Variants in CIMIP4 observed in about 807,000 individuals in gnomAD.
The protein encoded by CIMIP4 is protein EAN57.
chr22:36,991,387 C>G, the CIMIP4 span: 36 of 1,560,606 alleles, frequency 2.3e-5, no homozygotes, highest in Non-Finnish European at 3.2e-5. Context: ...CCGGCTCTGT[C>G]TCCTGCTCTG....
the CIMIP4 span, among the ~76,000 whole-genome samples, chr22:36,991,805 T>C: frequency 6.6e-6 from 1 of 152,034 alleles, no homozygotes; most frequent in Non-Finnish European, 1.5e-5. Flanking sequence ...CTCTCTGAGC[T>C]TCAGTGTCTT....
chr22:36,997,328 C>G, the CIMIP4 span, among the ~76,000 whole-genome samples: 1 of 152,198 alleles, frequency 6.6e-6, no homozygotes, highest in Non-Finnish European at 1.5e-5. Flanking sequence ...AACCTGCTCC[C>G]CCTGGCAGCT....
At chr22:36,991,621 G>A in the CIMIP4 span, 2 of 1,592,228 alleles carry the variant, frequency 1.3e-6, no homozygotes, top group Non-Finnish European at 8.6e-7. Context: ...AACCCCAAGT[G>A]CCCAATTCAG....
the CIMIP4 span, among the ~76,000 whole-genome samples, chr22:36,992,840 G>C: frequency 1.3e-5 from 2 of 150,808 alleles, no homozygotes; most frequent in Non-Finnish European, 3.0e-5. Context: ...GGCTGGGCGC[G>C]GTGGCTCACG....
At chr22:37,002,981 T>G in the CIMIP4 span, among the ~76,000 whole-genome samples, 4 of 152,238 alleles carry the variant, frequency 2.6e-5, no homozygotes, top group African/African-American at 9.6e-5. Context: ...TCTCTTGCTC[T>G]CAGCCTTCAG....
At chr22:36,991,616 C>G in the CIMIP4 span, 17 of 1,602,466 alleles carry the variant, frequency 1.1e-5, no homozygotes, top group Non-Finnish European at 1.5e-5. Flanking sequence ...GAAGAAACCC[C>G]AAGTGCCCAA....
chr22:37,003,402 C>T, the CIMIP4 span, among the ~76,000 whole-genome samples: 2 of 152,248 alleles, frequency 1.3e-5, no homozygotes, highest in African/African-American at 4.8e-5. Context: ...GCACTCACCC[C>T]TGGGGACCAT....
the CIMIP4 span, among the ~76,000 whole-genome samples, chr22:37,004,975 A>C: frequency 2.6e-5 from 4 of 152,254 alleles, no homozygotes; most frequent in South Asian, 8.3e-4. Flanking sequence ...GGTGTGAGCC[A>C]CCGTGCCCGG....
the CIMIP4 span, chr22:37,001,999 C>T: frequency 9.9e-6 from 16 of 1,613,776 alleles, no homozygotes; most frequent in African/African-American, 6.7e-5. Flanking sequence ...CCCCCTCTCC[C>T]GAGGTGGCCC....
At chr22:37,003,985 C>T in the CIMIP4 span, 2 of 1,550,216 alleles carry the variant, frequency 1.3e-6, no homozygotes, top group Non-Finnish European at 1.7e-6. Flanking sequence ...GGCCCAGCTC[C>T]ATAGCCTCTT....
At chr22:36,993,331 C>T in the CIMIP4 span, among the ~76,000 whole-genome samples, 3 of 151,912 alleles carry the variant, frequency 2.0e-5, no homozygotes, top group East Asian at 3.9e-4. Context: ...CTTCTAAGGC[C>T]CTTAGTGTTC....
chr22:37,000,424 C>T, the CIMIP4 span, among the ~76,000 whole-genome samples: 1 of 152,186 alleles, frequency 6.6e-6, no homozygotes, highest in Non-Finnish European at 1.5e-5. Flanking sequence ...TGGGTGGGTG[C>T]TTAACTTTCA....
At chr22:37,002,050 G>T in the CIMIP4 span, 1 of 1,608,170 alleles carries the variant, frequency 6.2e-7, no homozygotes. Flanking sequence ...CATTCTTCAG[G>T]GACCTGGACT....
chr22:36,996,428 T>C, the CIMIP4 span, among the ~76,000 whole-genome samples: 4 of 151,656 alleles, frequency 2.6e-5, no homozygotes, highest in Non-Finnish European at 4.4e-5. Context: ...GATATCATTT[T>C]CAACAGCAGC....
the CIMIP4 span, chr22:37,004,061 AAC>A: frequency 2.0e-6 from 3 of 1,522,018 alleles, no homozygotes; most frequent in Non-Finnish European, 2.7e-6. Flanking sequence ...CGTCTCAGAT[AAC>A]ACACAGAGTT....
chr22:37,001,828 C>G, the CIMIP4 span: 7 of 1,557,594 alleles, frequency 4.5e-6, no homozygotes, highest in Non-Finnish European at 6.1e-6. Context: ...CTGGCCCCTG[C>G]TATGACACCT....
At chr22:37,004,081 A>G in the CIMIP4 span, 10 of 1,476,044 alleles carry the variant, frequency 6.8e-6, no homozygotes, top group African/African-American at 7.0e-5. Context: ...GTTTCTGTGA[A>G]CAAGGATGAG....
the CIMIP4 span, among the ~76,000 whole-genome samples, chr22:36,999,089 T>G: frequency 6.6e-6 from 1 of 151,928 alleles, no homozygotes; most frequent in Non-Finnish European, 1.5e-5. Flanking sequence ...CAAAGGTGCC[T>G]GGGATGGGGC....
At chr22:36,999,837 G>T in the CIMIP4 span, 1 of 1,611,880 alleles carries the variant, frequency 6.2e-7, no homozygotes, top group South Asian at 1.1e-5. Flanking sequence ...CCTTTGACTT[G>T]ACCTCGAAAC....
Sources: allele counts gnomAD v4.1 joint callset (sites outside exome capture counted in the v4.1 genomes callset), GRCh38; gene constraint gnomAD v4.1.1; transcripts MANE v1.5; gene names NCBI Gene and HGNC (gene_info 2026-07-23, HGNC 2026-07-21).